SPOCK1: variants seen among roughly 807,000 people sequenced by gnomAD.
SPOCK1 encodes SPARC (osteonectin), cwcv and kazal like domains proteoglycan 1, also known as testican-1.
A neutral mutation model predicts 55.3 loss-of-function variants in SPOCK1; 23 were observed. The observed-to-expected ratio is 0.42, with a 90% CI of 0.30 to 0.59. The LOEUF (loss-of-function observed/expected upper bound fraction) is 0.59. SPOCK1 is among the 20% of genes least tolerant of loss of function. SPOCK1 has a pLI of 0.22. For missense variants in SPOCK1, 499 were observed against 552.5 expected (o/e 0.90, Z 0.97); for synonymous variants, 226 against 221.0 (o/e 1.02, Z -0.20).
chr5:137,433,633 A>G (rs1752796339), intron 2 of SPOCK1, among the ~76,000 whole-genome samples: 1 of 152,212 alleles, frequency 6.6e-6, no homozygotes, highest in Non-Finnish European at 1.5e-5. Flanking sequence ...CGAACATCTC[A>G]GAAGGCCTTT....
chr5:137,186,958 C>T (rs1755081015), intron 3 of SPOCK1, among the ~76,000 whole-genome samples: 1 of 152,182 alleles, frequency 6.6e-6, no homozygotes, highest in Admixed American at 6.5e-5. Flanking sequence ...TCATGTCTCC[C>T]TCCCTCCTGA....
At chr5:137,380,917 C>A (rs773449607) in intron 2 of SPOCK1, among the ~76,000 whole-genome samples, 1 of 152,158 alleles carries the variant, frequency 6.6e-6, no homozygotes, top group Non-Finnish European at 1.5e-5. Context: ...CCCTTCTAAA[C>A]AGTCCCCCAG....
intron 2 of SPOCK1, among the ~76,000 whole-genome samples, chr5:137,460,366 G>A (rs577564116): frequency 1.3e-5 from 2 of 152,198 alleles, no homozygotes; most frequent in African/African-American, 4.8e-5. Flanking sequence ...AGGATATGAC[G>A]CCTCCAGGGA....
intron 3 of SPOCK1, among the ~76,000 whole-genome samples, chr5:137,193,967 A>G (rs1369266563): frequency 1.3e-5 from 2 of 149,402 alleles, no homozygotes; most frequent in Non-Finnish European, 1.5e-5. Flanking sequence ...TGACGTGGCA[A>G]TCATGTAGGT....
intron 3 of SPOCK1, among the ~76,000 whole-genome samples, chr5:137,188,577 C>T (rs1221720233): frequency 6.6e-6 from 1 of 152,162 alleles, no homozygotes; most frequent in Non-Finnish European, 1.5e-5. Flanking sequence ...TGTGTTCTGA[C>T]TGGTCCGTTG....
intron 3 of SPOCK1, among the ~76,000 whole-genome samples, chr5:137,265,132 A>G (rs1283096650): frequency 6.6e-6 from 1 of 152,176 alleles, no homozygotes; most frequent in Non-Finnish European, 1.5e-5. Context: ...AGGTTTAAAG[A>G]CGGTGATTTT....
chr5:137,305,995 G>A (rs930705353), intron 2 of SPOCK1, among the ~76,000 whole-genome samples: 3 of 152,226 alleles, frequency 2.0e-5, no homozygotes, highest in African/African-American at 7.2e-5. Context: ...AAGAGGTGGG[G>A]ATGTATTCAA....
chr5:137,099,080 G>A (rs756734167), intron 5 of SPOCK1, among the ~76,000 whole-genome samples: 3 of 152,200 alleles, frequency 2.0e-5, no homozygotes, highest in East Asian at 1.9e-4. Context: ...TTGAGTGTTC[G>A]GGGTGCCCAC....
intron 2 of SPOCK1, among the ~76,000 whole-genome samples, chr5:137,425,777 T>C (rs1752595786): frequency 6.6e-6 from 1 of 152,102 alleles, no homozygotes; most frequent in Non-Finnish European, 1.5e-5. Flanking sequence ...AAGGATAAAA[T>C]GAAAATGTTT....
intron 6 of SPOCK1, among the ~76,000 whole-genome samples, chr5:137,013,290 C>T (rs766431266): frequency 6.6e-6 from 1 of 152,022 alleles, no homozygotes; most frequent in East Asian, 1.9e-4. Flanking sequence ...AAAAACACTC[C>T]GATGAGACTC....
intron 3 of SPOCK1, among the ~76,000 whole-genome samples, chr5:137,226,804 G>A (rs1755956042): frequency 6.6e-6 from 1 of 152,152 alleles, no homozygotes; most frequent in South Asian, 2.1e-4. Flanking sequence ...TAACTACCGT[G>A]TGCCCTGTAG....
At position 137,210,346 on chromosome 5, in the gene SPOCK1, T is replaced by C. The variant is rs187342826; in HGVS notation, c.232+56664A>G. 3.8e-3 allele frequency among the ~76,000 whole-genome samples: 572 copies of C among 152,288 alleles called. 5 individuals are homozygous for C. The highest frequency in any genetic ancestry group is 6.4e-3 in the South Asian group (31 of 4,822). On this transcript the variant is annotated intron_variant, in intron 3 of 10. Transcript: ENST00000394945. The stretch of plus-strand genomic sequence containing the variant: ...GAACTTCCTTGCTTTCTTAATATTT[T>C]CCAGGCTAGAACTGGATACATTATT...
intron 3 of SPOCK1, among the ~76,000 whole-genome samples, chr5:137,160,302 T>C (rs1028701000): frequency 2.1e-5 from 3 of 140,680 alleles, no homozygotes; most frequent in Non-Finnish European, 3.0e-5. Context: ...TTCCTTTTTA[T>C]GGCTGCATAG....
In SPOCK1 at chr5:136,977,947, G is replaced by T; in HGVS notation, c.*707C>A. 1 of 398,914 alleles carries T rather than the reference G, an allele frequency of 2.5e-6. No individual in the cohort carries two copies. Among genetic ancestry groups the T allele is most frequent in the South Asian group, 1.3e-4 (1 of 7,828 alleles). The allele number at this position is 398,914 out of a possible 1,614,324, so 24.7% of individuals were successfully genotyped here. The stretch of plus-strand genomic sequence containing the variant: ...TTTAAGATACCCAAACACTTTTTCT[G>T]AGAGGTATGGGTGTGTGTGCAAGGC... On this transcript the variant is annotated 3_prime_UTR_variant, in exon 11 of 11. Transcript: ENST00000394945.
intron 3 of SPOCK1, among the ~76,000 whole-genome samples, chr5:137,186,219 G>A (rs1201798243): frequency 6.6e-6 from 1 of 152,194 alleles, no homozygotes; most frequent in Non-Finnish European, 1.5e-5. Context: ...TCTTGAAGGA[G>A]TTGGTGGAGA....
chr5:137,204,271 G>A lies in SPOCK1; in HGVS notation c.232+62739C>T, dbSNP rs76243430. ...GAATATTTGTAGTGATATTAAGCCA[G>A]TAGCAAAACAGCTTAAAAATAGAAG... is the stretch of plus-strand genomic sequence containing the variant. On this transcript the variant is annotated intron_variant, in intron 3 of 10. Transcript: ENST00000394945. Among the ~76,000 whole-genome samples, 3 of 152,288 alleles carry A rather than the reference G, an allele frequency of 2.0e-5. No homozygotes were observed. In the East Asian group the frequency reaches 5.8e-4, roughly 29 times the overall value.
intron 3 of SPOCK1, among the ~76,000 whole-genome samples, chr5:137,158,243 G>A (rs190454100): frequency 5.0e-4 from 76 of 152,320 alleles, no homozygotes; most frequent in Non-Finnish European, 9.7e-4. Context: ...CCCCAGGGCA[G>A]AGGGGACACT....
At position 137,006,069 on chromosome 5, in the gene SPOCK1, T is replaced by C. The variant is rs537513000; in HGVS notation, c.590-13469A>G. 9.8e-5 allele frequency among the ~76,000 whole-genome samples: 15 copies of C among 152,374 alleles called. No individual in the cohort carries two copies. The South Asian group carries it at 1.0e-3, about 11-fold the overall frequency. On this transcript the variant is annotated intron_variant, in intron 6 of 10. Transcript: ENST00000394945. ...GTTCTGTTCCATTGGTCTACATGTC[T>C]GTTCTGGTACCAGTAACATGCTGTT... is the stretch of plus-strand genomic sequence containing the variant.
intron 3 of SPOCK1, among the ~76,000 whole-genome samples, chr5:137,238,753 A>G (rs1756230254): frequency 6.6e-6 from 1 of 152,230 alleles, no homozygotes; most frequent in Non-Finnish European, 1.5e-5. Flanking sequence ...CTTCCTTAAC[A>G]CGATAAAATA....
Sources: allele counts gnomAD v4.1 joint callset (sites outside exome capture counted in the v4.1 genomes callset), GRCh38; gene constraint gnomAD v4.1.1; transcripts MANE v1.5; gene names NCBI Gene and HGNC (gene_info 2026-07-23, HGNC 2026-07-21).